The following EDARADD variants were observed in gnomAD, a reference collection of about 807,000 sequenced individuals.
EDARADD encodes ectodysplasin-A receptor-associated adapter protein.
In EDARADD, 20 loss-of-function variants were observed where a neutral mutation model predicts 25.6. That is an observed-to-expected ratio of 0.78 (90% CI 0.55 to 1.14). The LOEUF (loss-of-function observed/expected upper bound fraction) is 1.14. Ranked by LOEUF, EDARADD falls within the 50% of genes most tolerant of loss-of-function variation. EDARADD has a pLI of 0.00. For missense variants in EDARADD, 225 were observed against 270.1 expected, an observed-to-expected ratio of 0.83 and a Z score of 1.17; for synonymous variants, 86 against 94.4, an observed-to-expected ratio of 0.91 and a Z score of 0.52.
intron 1 of EDARADD, among the ~76,000 whole-genome samples, chr1:236,407,923 A>T (rs1412645876): frequency 4.6e-5 from 7 of 152,198 alleles, no homozygotes; most frequent in African/African-American, 1.7e-4. Context: ...ATTATTTTTG[A>T]TAAAAAACTA....
At position 236,445,869 on chromosome 1, in the gene EDARADD, C is replaced by T. The variant is rs117245173; in HGVS notation, c.219+18419C>T. Among the ~76,000 whole-genome samples, 76 of 152,230 alleles carry T rather than the reference C, an allele frequency of 5.0e-4. 1 individual carries two copies. In the East Asian group the frequency reaches 0.014, roughly 29 times the overall value. On this transcript the variant is annotated intron_variant, in intron 4 of 5. Coordinates refer to ENST00000334232, the MANE Select transcript of EDARADD (RefSeq NM_145861.4). ...CCAGGTTTTCTGTCTTCAGGCTCCC[C>T]CCTTGCCTGCCTTTGTGCCTTTCCT...
intron 4 of EDARADD, among the ~76,000 whole-genome samples, chr1:236,452,613 A>C (rs546830118): frequency 1.5e-4 from 23 of 152,148 alleles, no homozygotes; most frequent in Non-Finnish European, 2.6e-4. Context: ...ACTCTGAGTC[A>C]ATTAAACCTC....
chr1:236,400,864 A>G (rs1667601608), intron 1 of EDARADD, among the ~76,000 whole-genome samples: 1 of 151,810 alleles, frequency 6.6e-6, no homozygotes, highest in Admixed American at 6.6e-5. Context: ...CCCACCTCCA[A>G]GCCTTTTTTA....
chr1:236,454,315 T>C (rs1318170261), intron 4 of EDARADD, among the ~76,000 whole-genome samples: 1 of 152,198 alleles, frequency 6.6e-6, no homozygotes, highest in African/African-American at 2.4e-5. Flanking sequence ...CCCAAAGTAC[T>C]GGGATTACAG....
intron 3 of EDARADD, among the ~76,000 whole-genome samples, chr1:236,385,500 G>A (rs1161439576): frequency 6.6e-6 from 1 of 150,860 alleles, no homozygotes; most frequent in Non-Finnish European, 1.5e-5. Flanking sequence ...GAGGTGGGCA[G>A]ATCATCTGAG....
chr1:236,476,301 AAAGAT>A (rs1659502636), intron 5 of EDARADD, among the ~76,000 whole-genome samples: 1 of 152,174 alleles, frequency 6.6e-6, no homozygotes, highest in African/African-American at 2.4e-5. Flanking sequence ...TGAATCTTAC[AAAGAT>A]AAGACAAGAA....
At chr1:236,357,012 A>T (rs1253755519) in intron 3 of EDARADD, among the ~76,000 whole-genome samples, 1 of 150,906 alleles carries the variant, frequency 6.6e-6, no homozygotes, top group Non-Finnish European at 1.5e-5. Flanking sequence ...TGAACCCAGG[A>T]GGGGGAGATG....
chr1:236,446,420 C>T (rs759465491), intron 4 of EDARADD, among the ~76,000 whole-genome samples: 3 of 152,088 alleles, frequency 2.0e-5, no homozygotes, highest in Admixed American at 6.6e-5. Flanking sequence ...GGGATGGTGG[C>T]GCACACCTGT....
intron 5 of EDARADD, among the ~76,000 whole-genome samples, chr1:236,480,750 T>A (rs1659649345): frequency 6.6e-6 from 1 of 152,230 alleles, no homozygotes; most frequent in Non-Finnish European, 1.5e-5. Flanking sequence ...GCCACGTTGT[T>A]TAGACACCAC....
At chr1:236,392,564 G>C (rs1667439507), upstream of EDARADD, among the ~76,000 whole-genome samples, 1 of 150,374 alleles carries the variant, frequency 6.7e-6, no homozygotes, top group African/African-American at 2.5e-5. Flanking sequence ...TCAGCTCACT[G>C]CAGCTCTGCC....
intron 4 of EDARADD, among the ~76,000 whole-genome samples, chr1:236,455,880 C>T (rs1423707214): frequency 6.6e-6 from 1 of 152,194 alleles, no homozygotes. Flanking sequence ...ACCTCTGCCT[C>T]CCGGGTTCAC....
chr1:236,369,932 C>T (rs1667156553), intron 3 of EDARADD, among the ~76,000 whole-genome samples: 1 of 152,190 alleles, frequency 6.6e-6, no homozygotes, highest in Non-Finnish European at 1.5e-5. Flanking sequence ...CCTTCTGAAC[C>T]ACCACTTCTC....
At chr1:236,403,445 G>C (rs1169308864) in intron 1 of EDARADD, among the ~76,000 whole-genome samples, 1 of 151,792 alleles carries the variant, frequency 6.6e-6, no homozygotes, top group African/African-American at 2.4e-5. Context: ...CCGCCACCAT[G>C]CCCGGCTAAT....
At chr1:236,469,823 C>T (rs561749431) in intron 5 of EDARADD, among the ~76,000 whole-genome samples, 35 of 151,666 alleles carry the variant, frequency 2.3e-4, no homozygotes, top group African/African-American at 8.0e-4. Flanking sequence ...GACGGAGTTT[C>T]GCACTCTTGT....
intron 1 of EDARADD, among the ~76,000 whole-genome samples, chr1:236,400,347 G>A (rs756155486): frequency 6.6e-5 from 10 of 152,046 alleles, no homozygotes; most frequent in Non-Finnish European, 1.3e-4. Flanking sequence ...CTCCAGAGAG[G>A]TTGCTGTAGG....
intron 1 of EDARADD, among the ~76,000 whole-genome samples, chr1:236,408,007 A>C (rs918709937): frequency 6.6e-6 from 1 of 152,220 alleles, no homozygotes; most frequent in Non-Finnish European, 1.5e-5. Context: ...AAAATAGGAA[A>C]TCAGGAAAGA....
chr1:236,381,698 G>A (rs1436449961), intron 3 of EDARADD, among the ~76,000 whole-genome samples: 1 of 149,742 alleles, frequency 6.7e-6, no homozygotes, highest in Non-Finnish European at 1.5e-5. Flanking sequence ...TAAAAAAATA[G>A]CTCCACTGCC....
chr1:236,476,212 A>ATAAG (rs1334591964), intron 5 of EDARADD, among the ~76,000 whole-genome samples: 3 of 151,610 alleles, frequency 2.0e-5, no homozygotes, highest in Non-Finnish European at 2.9e-5. Flanking sequence ...AAATAAATAA[A>ATAAG]TAAATAAATA....
At chr1:236,392,175 C>G (rs149709926), upstream of EDARADD, among the ~76,000 whole-genome samples, 211 of 152,268 alleles carry the variant, frequency 1.4e-3, no homozygotes, top group African/African-American at 4.7e-3. Context: ...TCCATTGCTC[C>G]ATGCTGTGTA....
Sources: gnomAD v4.1 joint callset for allele counts (sites outside exome capture counted in the v4.1 genomes callset) on GRCh38, gnomAD v4.1.1 for gene constraint, MANE v1.5 for transcripts, NCBI Gene and HGNC (gene_info 2026-07-23, HGNC 2026-07-21) for gene names.